The following LCORL variants were observed in gnomAD, a reference collection of about 807,000 sequenced individuals.
The protein encoded by LCORL is ligand dependent nuclear receptor corepressor like.
Under a neutral mutation model 141.8 loss-of-function variants are expected in LCORL, and 41 were observed. The ratio of observed to expected loss-of-function variants is 0.29; its 90% CI spans 0.23 to 0.38. The LOEUF (loss-of-function observed/expected upper bound fraction) is 0.38. Among genes scored for constraint, LCORL ranks in the 10% least tolerant of loss-of-function variants. LCORL has a pLI of 1.00. For synonymous variants in LCORL, 618 were observed against 694.1 expected, an observed-to-expected ratio of 0.89 and a Z score of 1.72; for missense variants, 1,759 against 2,035.0, an observed-to-expected ratio of 0.86 and a Z score of 2.61.
chr4:17,941,463 A>C (rs1737948644), intron 4 of LCORL, among the ~76,000 whole-genome samples: 1 of 152,116 alleles, frequency 6.6e-6, no homozygotes, highest in African/African-American at 2.4e-5. Flanking sequence ...TGTCTCAAAA[A>C]AAAAAAAATC....
intron 4 of LCORL, among the ~76,000 whole-genome samples, chr4:17,915,242 G>A (rs1560335201): frequency 6.6e-6 from 1 of 152,130 alleles, no homozygotes; most frequent in Non-Finnish European, 1.5e-5. Context: ...GAAGCCTCCT[G>A]CAAGCAGCCA....
chr4:17,948,787 A>G (rs1244320524), intron 4 of LCORL, among the ~76,000 whole-genome samples: 2 of 152,170 alleles, frequency 1.3e-5, no homozygotes, highest in East Asian at 1.9e-4. Flanking sequence ...GGAAAAAAAA[A>G]GGGAGAAAAT....
At chr4:17,958,753 T>C (rs1713188547) in intron 4 of LCORL, among the ~76,000 whole-genome samples, 1 of 151,972 alleles carries the variant, frequency 6.6e-6, no homozygotes, top group Non-Finnish European at 1.5e-5. Context: ...AGGTAGAGTT[T>C]ATCTTAGTAT....
chr4:17,860,120 T>C (rs930979253), intron 7 of LCORL, among the ~76,000 whole-genome samples: 1 of 152,164 alleles, frequency 6.6e-6, no homozygotes, highest in African/African-American at 2.4e-5. Flanking sequence ...ATGACATTCA[T>C]ATGGAACCAA....
intron 5 of LCORL, among the ~76,000 whole-genome samples, chr4:17,903,244 A>C (rs895403270): frequency 1.3e-5 from 2 of 152,070 alleles, no homozygotes; most frequent in Non-Finnish European, 2.9e-5. Flanking sequence ...TAAACATGCA[A>C]ACAATTACAA....
intron 1 of LCORL, among the ~76,000 whole-genome samples, chr4:18,005,789 C>A (rs1243527998): frequency 6.6e-6 from 1 of 152,166 alleles, no homozygotes; most frequent in Non-Finnish European, 1.5e-5. Context: ...AGTCTCTACA[C>A]TGCACAGAGC....
At chr4:17,941,995 C>G (rs1406122796) in intron 4 of LCORL, among the ~76,000 whole-genome samples, 1 of 152,080 alleles carries the variant, frequency 6.6e-6, no homozygotes, top group South Asian at 2.1e-4. Flanking sequence ...TGTCTAGAGG[C>G]TATTGTGGAG....
chr4:17,999,696 A>C (rs529393261), intron 1 of LCORL, among the ~76,000 whole-genome samples: 30 of 152,322 alleles, frequency 2.0e-4, no homozygotes, highest in African/African-American at 7.2e-4. Flanking sequence ...ACTTAACCTA[A>C]ATTCAGCGAC....
intron 3 of LCORL, among the ~76,000 whole-genome samples, chr4:17,962,395 T>A (rs1714000151): frequency 6.6e-6 from 1 of 151,966 alleles, no homozygotes; most frequent in Admixed American, 6.6e-5. Context: ...TTGGTACAGG[T>A]TCTCAAGTTT....
At chr4:18,004,541 C>T (rs560150702) in intron 1 of LCORL, among the ~76,000 whole-genome samples, 2 of 152,258 alleles carry the variant, frequency 1.3e-5, no homozygotes, top group Admixed American at 1.3e-4. Context: ...CAATCACCTC[C>T]CACCAGGTTC....
chr4:17,996,500 C>A (rs1720939697), intron 1 of LCORL, among the ~76,000 whole-genome samples: 1 of 151,896 alleles, frequency 6.6e-6, no homozygotes, highest in Admixed American at 6.6e-5. Context: ...ACTATGAATA[C>A]TTTATAGAAG....
chr4:17,958,438 T>C (rs1033758809), intron 4 of LCORL, among the ~76,000 whole-genome samples: 1 of 151,978 alleles, frequency 6.6e-6, no homozygotes, highest in Non-Finnish European at 1.5e-5. Flanking sequence ...ATGAGACATC[T>C]TCCTGAATCA....
Position 17,951,603 on chromosome 4 carries a change from CATTTTGTCTCCATGGCATTTATCTAT to C in LCORL, c.430+10274_430+10299del, listed in dbSNP as rs1170823916. Among the ~76,000 whole-genome samples, 3 of 152,156 alleles carry C rather than the reference CATTTTGTCTCCATGGCATTTATCTAT, an allele frequency of 2.0e-5. No individual in the cohort carries two copies. In the East Asian group the frequency reaches 5.8e-4, roughly 29 times the overall value. Reference sequence around the variant, plus strand: ...CATCTCCATGCTTTATGTCCCTCTCCATTTTGTCTCCATGGCATTTATCTATATTCATATACAACCAGCCTGTGAGA... The same window carrying C: ...CATCTCCATGCTTTATGTCCCTCTCCATTCATATACAACCAGCCTGTGAGA... On this transcript the variant is annotated intron_variant, in intron 4 of 7. Coordinates refer to ENST00000635767, the Ensembl canonical transcript of LCORL.
chr4:17,980,821 A>T (rs1156863573), intron 1 of LCORL, among the ~76,000 whole-genome samples: 1 of 152,108 alleles, frequency 6.6e-6, no homozygotes, highest in Non-Finnish European at 1.5e-5. Context: ...TCAGATTCTC[A>T]CAGGAGCGTG....
rs144687464 is a variant in LCORL at position 17,992,866 on chromosome 4, T to C, written c.155-19981A>G. ...TTTATACTTTGTTAGAATTTTGCTA[T>C]TAAGCACTGACTCCTGGGTTTAAAT... On this transcript the variant is annotated intron_variant, in intron 1 of 7. Transcript: ENST00000635767. 3.2e-4 allele frequency among the ~76,000 whole-genome samples: 49 copies of C among 152,332 alleles called. 1 individual carries two copies. The East Asian group carries it at 8.7e-3, about 27-fold the overall frequency.
intron 1 of LCORL, among the ~76,000 whole-genome samples, chr4:17,992,200 A>C (rs1560453833): frequency 6.6e-6 from 1 of 152,214 alleles, no homozygotes; most frequent in East Asian, 1.9e-4. Flanking sequence ...ATCATGGTGG[A>C]AAAGGAAGCA....
Position 17,874,321 on chromosome 4 carries a change from T to A in LCORL, c.4669A>T (p.Lys1557Ter). 1 of 1,233,960 alleles carries A rather than the reference T, an allele frequency of 8.1e-7. No homozygotes were observed. The highest frequency in any genetic ancestry group is 1.0e-6 in the Non-Finnish European group (1 of 987,902). 76.4% of individuals were successfully genotyped at this position (1,233,960 alleles called of 1,614,324 possible). ...GAAGGAGAAGAGAGTGCAAATTTTT[T>A]AAAGTGCTTTCTGAAGGGGCTGGCA... The change falls in exon 7 of 8, where the codon AAA becomes TAA. Residue 1557 changes from lysine to a stop codon, truncating the protein, a stop_gained. Coordinates refer to ENST00000635767, the Ensembl canonical transcript of LCORL. LOFTEE classifies it high-confidence loss of function.
chr4:17,843,376 A>C (rs1722617007), exon 8 of LCORL: 1 of 1,612,114 alleles, frequency 6.2e-7, no homozygotes. Context: ...GCAGCACTAG[A>C]AAAAAGTAAA....
chr4:17,874,953 G>T, exon 7 of LCORL: 1 of 1,233,814 alleles, frequency 8.1e-7, no homozygotes, highest in Non-Finnish European at 1.0e-6. Flanking sequence ...TGAGCTAGAA[G>T]ATGCTAATGA....
Sources: gnomAD v4.1 joint callset for allele counts (sites outside exome capture counted in the v4.1 genomes callset) on GRCh38, gnomAD v4.1.1 for gene constraint, MANE v1.5 for transcripts, NCBI Gene and HGNC (gene_info 2026-07-23, HGNC 2026-07-21) for gene names.